Variants in MYOF observed in about 807,000 individuals in gnomAD.
MYOF encodes the protein myoferlin, also known as fer-1-like 3, myoferlin.
A neutral mutation model predicts 284.2 loss-of-function variants in MYOF; 244 were observed. That is an observed-to-expected ratio of 0.86 (90% CI 0.77 to 0.95). The LOEUF (loss-of-function observed/expected upper bound fraction) is 0.95, where lower values mean the gene tolerates loss of function less well. Ranked by LOEUF, MYOF falls within the 40% of genes least tolerant of loss-of-function variation. The pLI, the probability that MYOF is intolerant of heterozygous loss-of-function variation, is 0.00. For missense variants in MYOF, 2,496 were observed against 2,560.6 expected, an observed-to-expected ratio of 0.97 and a Z score of 0.54; for synonymous variants, 904 against 919.7, an observed-to-expected ratio of 0.98 and a Z score of 0.31.
At position 93,369,701 on chromosome 10, in the gene MYOF, C is replaced by T. The variant is rs1845497922; in HGVS notation, c.2533G>A (p.Val845Met). The change falls in exon 25 of 54, where the codon GTG becomes ATG. Residue 845 changes from valine (V) to methionine (M), a missense_variant. Physicochemically the swap from Val to Met is conservative, Grantham distance 21. Around this residue, in one of 3 missense-constraint regions of MYOF, gnomAD observed 2,436 missense variants for 2,480.7 expected, o/e 0.98. Coordinates refer to ENST00000359263, the MANE Select transcript of MYOF (RefSeq NM_013451.4). Reference protein sequence around the residue: ...RVNIWLGLSAVEKKFNSFAEG... With the variant: ...RVNIWLGLSAMEKKFNSFAEG... ...GCGAAGCTGTTAAACTTCTTCTCCA[C>T]AGCACTTAAGCCTAGCCAGATGTTC... The T allele has an allele frequency of 6.2e-7, 1 of 1,614,104 alleles. No individual in the cohort carries two copies. Among genetic ancestry groups the T allele is most frequent in the African/African-American group, 1.3e-5 (1 of 74,942 alleles).
intron 45 of MYOF, among the ~76,000 whole-genome samples, chr10:93,327,912 C>T (rs1046422889): frequency 4.6e-5 from 7 of 152,026 alleles, no homozygotes; most frequent in African/African-American, 1.4e-4. Flanking sequence ...TGCATGCCAC[C>T]ACACCCGGCT....
intron 5 of MYOF, 92 bp downstream of exon 5, chr10:93,425,979 T>C: frequency 7.5e-7 from 1 of 1,325,764 alleles, no homozygotes; most frequent in Non-Finnish European, 1.1e-6. Flanking sequence ...TACAGGCTTG[T>C]GATCAATGGC....
At chr10:93,381,007 A>G (rs7901333) in intron 20 of MYOF, among the ~76,000 whole-genome samples, 14,961 of 152,214 alleles carry the variant, frequency 0.098, 2,451 homozygotes, top group African/African-American at 0.34. Flanking sequence ...ATTGGGGTTC[A>G]GCCTCTGGCA....
chr10:93,393,721 A>G (rs770960733), intron 16 of MYOF, among the ~76,000 whole-genome samples: 2 of 152,186 alleles, frequency 1.3e-5, no homozygotes, highest in African/African-American at 4.8e-5. Flanking sequence ...TTCCATCTAT[A>G]GTCATATTTA....
At chr10:93,327,898 C>T (rs1278107431) in intron 45 of MYOF, among the ~76,000 whole-genome samples, 4 of 152,042 alleles carry the variant, frequency 2.6e-5, no homozygotes, top group Non-Finnish European at 5.9e-5. Flanking sequence ...GCTGGGATTA[C>T]AGGTGCATGC....
chr10:93,401,429 T>C lies in MYOF; in HGVS notation c.1106A>G (p.Asp369Gly), dbSNP rs1251373144. 1 of 1,614,118 alleles carries C rather than the reference T, an allele frequency of 6.2e-7. No individual in the cohort carries two copies. Among genetic ancestry groups the C allele is most frequent in the Middle Eastern group, 1.7e-4 (1 of 6,060 alleles). Residue 369 changes from aspartate (D) to glycine (G), a missense_variant, in exon 12 of 54, where the codon GAC becomes GGC. Transcript: ENST00000359263. ...TFLLKIYRAE[D>G]IPQMDDAFSQ... ...AAATCAGTACATACTCTGGGGGATG[T>C]CCTCAGCTCGGTAGATTTTCAGCAA...
At chr10:93,441,992 A>G (rs1320969866) in intron 3 of MYOF, among the ~76,000 whole-genome samples, 1 of 127,114 alleles carries the variant, frequency 7.9e-6, no homozygotes, top group Non-Finnish European at 1.6e-5. Context: ...CTGGCCCTCA[A>G]CCTGAACACA....
intron 1 of MYOF, among the ~76,000 whole-genome samples, chr10:93,466,396 C>T (rs185658233): frequency 9.8e-5 from 15 of 152,288 alleles, no homozygotes; most frequent in Admixed American, 9.8e-4. Context: ...TGACTGCTCC[C>T]CTCTCCACAC....
rs775970286 is a variant in MYOF, at chr10:93,343,891, C to A, written c.4291G>T (p.Glu1431Ter). Reference sequence around the variant, plus strand: ...AGTAATGGTTTGGTGTCTTCCATTTCGATAACGATGTCCCGGCATGGTGGG... The same window carrying A: ...AGTAATGGTTTGGTGTCTTCCATTTAGATAACGATGTCCCGGCATGGTGGG... Reference protein sequence around the residue: ...SAPPCRDIVIEMEDTKPLLAS... With the variant: ...SAPPCRDIVI The change falls in exon 38 of 54, where the codon GAA (glutamate) becomes TAA (stop). Residue 1431 changes from glutamate to a stop codon, truncating the protein, a stop_gained. Coordinates refer to ENST00000359263, the MANE Select transcript of MYOF (RefSeq NM_013451.4). LOFTEE classifies it high-confidence loss of function. 1 of 1,614,054 alleles carries A rather than the reference C, an allele frequency of 6.2e-7. No individual in the cohort carries two copies. Among genetic ancestry groups the A allele is most frequent in the African/African-American group, 1.3e-5 (1 of 74,924 alleles).
chr10:93,472,830 C>T (rs780665564), intron 1 of MYOF, among the ~76,000 whole-genome samples: 1 of 152,214 alleles, frequency 6.6e-6, no homozygotes, highest in Non-Finnish European at 1.5e-5. Context: ...TGGGCCACCC[C>T]TTGGAAATGT....
chr10:93,409,793 C>T, intron 5 of MYOF, 54 bp from the exon 6 acceptor site: 1 of 1,591,488 alleles, frequency 6.3e-7, no homozygotes, highest in South Asian at 1.1e-5. Context: ...TGTAAATGTC[C>T]AAAGGCTCAG....
intron 46 of MYOF, chr10:93,323,702 C>T (rs1842931385): frequency 7.6e-6 from 2 of 264,050 alleles, no homozygotes; most frequent in African/African-American, 2.2e-5. Context: ...CGCACGTGCA[C>T]ACACACACAC....
chr10:93,345,358 A>C (rs893974190), intron 37 of MYOF, among the ~76,000 whole-genome samples: 8 of 152,232 alleles, frequency 5.3e-5, no homozygotes, highest in Non-Finnish European at 5.9e-5. Flanking sequence ...ATTAGTGGTA[A>C]GTTGGGGAGT....
chr10:93,334,043 G>A (rs1259786745), intron 41 of MYOF, 130 bp from the exon 42 acceptor site: 1 of 836,206 alleles, frequency 1.2e-6, no homozygotes, highest in South Asian at 1.8e-5. Context: ...AAGAAATAAT[G>A]TATATTGCAC....
At chr10:93,473,142 G>C (rs1354268258) in intron 1 of MYOF, among the ~76,000 whole-genome samples, 2 of 152,174 alleles carry the variant, frequency 1.3e-5, no homozygotes, top group African/African-American at 4.8e-5. Flanking sequence ...GTATTGTGTT[G>C]GTTACAGAAA....
chr10:93,406,288 T>TTATTTATATATATATATATATA (rs1554855590), intron 7 of MYOF, among the ~76,000 whole-genome samples: 5 of 58,148 alleles, frequency 8.6e-5, no homozygotes, highest in Non-Finnish European at 8.5e-5. Flanking sequence ...TAAACCTCTT[T>TTATTTATATATATATATATATA]TATATATATA....
At position 93,393,004 on chromosome 10, in the gene MYOF, T is replaced by G. The variant is rs775874205; in HGVS notation, c.1418-49A>C. 4 of 1,499,924 alleles carry G rather than the reference T, an allele frequency of 2.7e-6. No individual in the cohort carries two copies. The South Asian group carries it at 4.6e-5, about 17-fold the overall frequency. The allele number at this position is 1,499,924 out of a possible 1,614,324, so 92.9% of individuals were successfully genotyped here. A position where few individuals can be genotyped will look rare whatever the true frequency, so the allele number is the denominator to read the frequency against. On this transcript the variant is annotated intron_variant, in intron 16 of 53. Transcript: ENST00000359263. ...TTAAACAAGAAGAACACGGGCATTA[T>G]AAAACAGACATTGAAAACGTTAATC... is the stretch of plus-strand genomic sequence containing the variant.
In MYOF at chr10:93,435,935, C is replaced by T. The variant is rs1168830847; in HGVS notation, c.237-4419G>A. On this transcript the variant is annotated intron_variant, in intron 3 of 53. Transcript: ENST00000359263. Reference sequence around the variant, plus strand: ...AATAATAATAATAATAAATTATTTTCTCTCTTTTTTTTTTTAAAGTCCTAC... The same window carrying T: ...AATAATAATAATAATAAATTATTTTTTCTCTTTTTTTTTTTAAAGTCCTAC... Among the ~76,000 whole-genome samples, 8 of 150,536 alleles carry T rather than the reference C, an allele frequency of 5.3e-5. No homozygotes were observed. In the East Asian group the frequency reaches 1.5e-3, roughly 29 times the overall value.
Position 93,359,967 on chromosome 10 carries a change from C to G in MYOF, c.2986G>C (p.Gly996Arg). The G allele has an allele frequency of 6.2e-7, 1 of 1,614,186 alleles. No individual in the cohort carries two copies. Among genetic ancestry groups the G allele is most frequent in the Non-Finnish European group, 8.5e-7 (1 of 1,180,026 alleles). The change falls in exon 29 of 54, where the codon GGA becomes CGA. Residue 996 changes from glycine to arginine, a missense_variant. By Grantham distance (125) the Gly-to-Arg change is moderately radical (BLOSUM62 -2). Coordinates refer to ENST00000359263, the MANE Select transcript of MYOF (RefSeq NM_013451.4). The stretch of plus-strand genomic sequence containing the variant: ...TTATGATCAGGAGGAATGGTGATTC[C>G]ATATTCCCAGCCTGGAACAGAGTTT... The part of the protein sequence containing the change: ...RAVDEKGWEY[G>R]ITIPPDHKPK...
Sources: allele counts gnomAD v4.1 joint callset (sites outside exome capture counted in the v4.1 genomes callset), GRCh38; gene constraint gnomAD v4.1.1; regional missense constraint gnomAD v4.1.1; transcripts MANE v1.5; gene names NCBI Gene and HGNC (gene_info 2026-07-23, HGNC 2026-07-21).